The following EYA4 variants were observed in gnomAD, a reference collection of about 807,000 sequenced individuals.
The protein encoded by EYA4 is protein phosphatase EYA4.
Under a neutral mutation model 87.9 loss-of-function variants are expected in EYA4, and 31 were observed. That is an observed-to-expected ratio of 0.35 (90% CI 0.27 to 0.48). EYA4 has a LOEUF of 0.48. Among genes scored for constraint, EYA4 ranks in the 20% least tolerant of loss-of-function variants. EYA4 has a pLI of 0.99. For missense variants in EYA4, 678 were observed against 761.4 expected (o/e 0.89, Z 1.29); for synonymous variants, 263 against 270.6 (o/e 0.97, Z 0.28).
intron 2 of EYA4, among the ~76,000 whole-genome samples, chr6:133,368,966 A>G (rs906044945): frequency 2.0e-5 from 3 of 152,218 alleles, no homozygotes; most frequent in Non-Finnish European, 4.4e-5. Context: ...CAGATGCAGT[A>G]TTTACTCTTT....
intron 2 of EYA4, among the ~76,000 whole-genome samples, chr6:133,344,321 G>T (rs2128412833): frequency 6.6e-6 from 1 of 152,162 alleles, no homozygotes; most frequent in African/African-American, 2.4e-5. Context: ...TATGTGACAA[G>T]AGATATCTAT....
intron 3 of EYA4, among the ~76,000 whole-genome samples, chr6:133,406,728 TC>T (rs1319356004): frequency 6.6e-6 from 1 of 152,212 alleles, no homozygotes; most frequent in Non-Finnish European, 1.5e-5. Context: ...AAAACCTGTT[TC>T]TTATACTTTA....
intron 2 of EYA4, among the ~76,000 whole-genome samples, chr6:133,339,299 G>A (rs1477415388): frequency 6.6e-6 from 1 of 152,178 alleles, no homozygotes; most frequent in East Asian, 1.9e-4. Flanking sequence ...CAAAGAGCTG[G>A]TAGAATGAGT....
chr6:133,266,823 A>G (rs75046952), intron 1 of EYA4, among the ~76,000 whole-genome samples: 130 of 152,296 alleles, frequency 8.5e-4, no homozygotes, highest in African/African-American at 3.1e-3. Context: ...TACATTTGAG[A>G]AAGAATTTTA....
intron 17 of EYA4, among the ~76,000 whole-genome samples, chr6:133,518,860 C>A (rs1799844764): frequency 6.6e-6 from 1 of 152,012 alleles, no homozygotes; most frequent in Non-Finnish European, 1.5e-5. Flanking sequence ...AACCGCTCAA[C>A]TACATGGAAA....
At chr6:133,377,145 G>A (rs1785760111) in intron 2 of EYA4, among the ~76,000 whole-genome samples, 1 of 151,860 alleles carries the variant, frequency 6.6e-6, no homozygotes, top group Admixed American at 6.6e-5. Flanking sequence ...GGTGAGTGCT[G>A]TTCAGTAGAA....
intron 13 of EYA4, among the ~76,000 whole-genome samples, chr6:133,495,438 A>G (rs1057326373): frequency 6.7e-6 from 1 of 148,744 alleles, no homozygotes; most frequent in African/African-American, 2.4e-5. Flanking sequence ...TTATAAATAA[A>G]TATAAAGAAA....
chr6:133,324,067 G>T (rs1260430084), intron 2 of EYA4, among the ~76,000 whole-genome samples: 2 of 152,056 alleles, frequency 1.3e-5, no homozygotes, highest in Non-Finnish European at 2.9e-5. Context: ...TGGAAAATCA[G>T]CCCTTCAGCT....
At position 133,272,210 on chromosome 6, in the gene EYA4, A is replaced by G. The variant is rs116692104; in HGVS notation, c.-65-2506A>G. ...GTCCACTTTAGAGGGGTGCCTCCAT[A>G]TCATGCAGAACCATTTGTGAATCAG... On this transcript the variant is annotated intron_variant, in intron 1 of 19. Transcript: ENST00000355286. Among the ~76,000 whole-genome samples the G allele has an allele frequency of 2.7e-3, 406 of 152,284 alleles. 2 individuals carry two copies. Among genetic ancestry groups the G allele is most frequent in the African/African-American group, 9.4e-3 (389 of 41,574 alleles).
chr6:133,332,192 G>A (rs188863279), intron 2 of EYA4, among the ~76,000 whole-genome samples: 1 of 152,320 alleles, frequency 6.6e-6, no homozygotes, highest in Admixed American at 6.5e-5. Flanking sequence ...CCATAAAGAG[G>A]AGGCTTGAGT....
intron 2 of EYA4, among the ~76,000 whole-genome samples, chr6:133,343,319 T>G (rs1255245775): frequency 6.6e-6 from 1 of 152,192 alleles, no homozygotes; most frequent in Non-Finnish European, 1.5e-5. Context: ...GATTGATTGT[T>G]GATTTATTTC....
chr6:133,277,000 G>T (rs1340318557), intron 2 of EYA4, among the ~76,000 whole-genome samples: 1 of 151,798 alleles, frequency 6.6e-6, no homozygotes, highest in East Asian at 1.9e-4. Flanking sequence ...ATTTTGTGGA[G>T]TATATTAATG....
chr6:133,385,429 G>GTC (rs1786657264), intron 3 of EYA4, among the ~76,000 whole-genome samples: 1 of 148,770 alleles, frequency 6.7e-6, no homozygotes, highest in Non-Finnish European at 1.5e-5. Flanking sequence ...GTGTGTGTGT[G>GTC]TGTGTGTGTG....
chr6:133,477,165 C>G (rs1281570562), intron 11 of EYA4, among the ~76,000 whole-genome samples: 1 of 152,022 alleles, frequency 6.6e-6, no homozygotes, highest in Non-Finnish European at 1.5e-5. Context: ...TGTAAATTAC[C>G]CAGTCTCGAG....
chr6:133,288,478 A>C (rs1047797303), intron 2 of EYA4, among the ~76,000 whole-genome samples: 4 of 152,188 alleles, frequency 2.6e-5, no homozygotes, highest in African/African-American at 9.6e-5. Flanking sequence ...TGTCATTAAT[A>C]GAGTTTAGGA....
chr6:133,483,283 C>A (rs886200927), intron 13 of EYA4, among the ~76,000 whole-genome samples, 168 bp downstream of exon 13: 16 of 151,990 alleles, frequency 1.1e-4, no homozygotes, highest in Admixed American at 2.0e-4. Context: ...TATGAACTGG[C>A]AAATTTAACA....
At chr6:133,359,925 A>G (rs1784333789) in intron 2 of EYA4, among the ~76,000 whole-genome samples, 1 of 152,188 alleles carries the variant, frequency 6.6e-6, no homozygotes, top group Admixed American at 6.5e-5. Context: ...AGCTGAACTT[A>G]ACAAATGCAA....
intron 1 of EYA4, among the ~76,000 whole-genome samples, chr6:133,251,984 G>A (rs755073645): frequency 6.6e-6 from 1 of 152,146 alleles, no homozygotes; most frequent in Non-Finnish European, 1.5e-5. Context: ...TTACAGATAC[G>A]CTTCACACAG....
chr6:133,427,150 C>T (rs905095229), intron 3 of EYA4, among the ~76,000 whole-genome samples: 9 of 152,082 alleles, frequency 5.9e-5, no homozygotes, highest in East Asian at 5.8e-4. Flanking sequence ...CTCATTTCCT[C>T]GGAAGAAAAG....
Sources: allele counts gnomAD v4.1 joint callset (sites outside exome capture counted in the v4.1 genomes callset), GRCh38; gene constraint gnomAD v4.1.1; transcripts MANE v1.5; gene names NCBI Gene and HGNC (gene_info 2026-07-23, HGNC 2026-07-21).